The following BDNF variants were observed in gnomAD, a reference collection of about 807,000 sequenced individuals.
BDNF encodes brain derived neurotrophic factor.
BDNF carries 1 observed loss-of-function variant against 19.5 expected under a neutral mutation model. That is an observed-to-expected ratio of 0.05 (90% CI 0.02 to 0.24). BDNF has a LOEUF of 0.24. Among genes scored for constraint, BDNF ranks in the 10% least tolerant of loss-of-function variants. BDNF has a pLI of 1.00. For synonymous variants in BDNF, 100 were observed against 121.6 expected (o/e 0.82, Z 1.17); for missense variants, 195 against 317.6 (o/e 0.61, Z 2.93).
rs753561183 is a variant in BDNF at position 27,658,315 on chromosome 11, T to C, written c.250A>G (p.Asn84Asp). 24 of 1,614,202 alleles carry C rather than the reference T, an allele frequency of 1.5e-5. No individual in the cohort carries two copies. The highest frequency in any genetic ancestry group is 1.9e-5 in the Non-Finnish European group (23 of 1,180,040). The stretch of plus-strand genomic sequence containing the variant: ...GACGTGTACAAGTCTGCGTCCTTAT[T>C]GTTTTCTTCATTGGGCCGAACTTTC... Reference protein sequence around the residue: ...DQKVRPNEENNKDADLYTSRV... With the variant: ...DQKVRPNEENDKDADLYTSRV... Residue 84 changes from asparagine (N) to aspartate (D), a missense_variant, in exon 2 of 2, where the codon AAT becomes GAT. By Grantham distance (23) the Asn-to-Asp change is conservative. Around this residue, in one of 2 missense-constraint regions of BDNF, gnomAD observed 124 missense variants for 155.0 expected, o/e 0.80. Transcript: ENST00000356660. The surrounding 1 kb of genome is among the most constrained non-coding windows in gnomAD (Gnocchi z 5.7).
intron 1 of BDNF, among the ~76,000 whole-genome samples, chr11:27,680,172 C>T (rs1856654591): frequency 6.6e-6 from 1 of 152,124 alleles, no homozygotes; most frequent in Non-Finnish European, 1.5e-5. Flanking sequence ...GAATTTCTGC[C>T]CTTGGGGACT....
At chr11:27,711,408 C>T (rs1266366130) in intron 1 of BDNF, among the ~76,000 whole-genome samples, 3 of 152,160 alleles carry the variant, frequency 2.0e-5, no homozygotes, top group African/African-American at 7.2e-5. Context: ...GAAAATCTCT[C>T]ATCGGTTAGC....
chr11:27,697,655 G>A (rs1590441844), intron 1 of BDNF: 1 of 152,124 alleles, frequency 6.6e-6, no homozygotes, highest in Admixed American at 6.5e-5. Flanking sequence ...GCAAGTAAAA[G>A]TTACACACAT....
chr11:27,712,093 T>C lies in BDNF; in HGVS notation c.3+9319A>G, dbSNP rs1307023668. 2.6e-5 allele frequency among the ~76,000 whole-genome samples: 4 copies of C among 152,204 alleles called. 1 individual carries two copies. Among genetic ancestry groups the C allele is most frequent in the African/African-American group, 9.7e-5 (4 of 41,446 alleles). On this transcript the variant is annotated intron_variant, in intron 1 of 1. Coordinates refer to the BDNF transcript ENST00000314915. Reference sequence around the variant, plus strand: ...ACTTGACAGCTTGTCTAATGGCAAATGTGAATTTTAAAAGTTTTCTCCCAA... The same window carrying C: ...ACTTGACAGCTTGTCTAATGGCAAACGTGAATTTTAAAAGTTTTCTCCCAA...
At chr11:27,704,614 G>A (rs750413997), upstream of BDNF, among the ~76,000 whole-genome samples, 8 of 152,182 alleles carry the variant, frequency 5.3e-5, no homozygotes, top group Middle Eastern at 3.4e-3. Flanking sequence ...GAAACTTTCC[G>A]TAATTAGCAT....
At chr11:27,660,798 A>G (rs1458564365) in intron 1 of BDNF, among the ~76,000 whole-genome samples, 1 of 152,070 alleles carries the variant, frequency 6.6e-6, no homozygotes, top group East Asian at 1.9e-4. Flanking sequence ...GAATTAATGA[A>G]CTATAGTTTA....
intron 1 of BDNF, chr11:27,659,648 T>TGTGCGC (rs756767477): frequency 3.1e-6 from 3 of 980,408 alleles, no homozygotes; most frequent in African/African-American, 1.8e-5. Flanking sequence ...TGTGTGTGTG[T>TGTGCGC]GCGCGCGCGC....
intron 1 of BDNF, chr11:27,676,137 A>T (rs1856070285): frequency 6.6e-6 from 1 of 152,212 alleles, no homozygotes; most frequent in East Asian, 1.9e-4. Flanking sequence ...GAAAGCCTTC[A>T]CAGGTATTAT....
At chr11:27,715,606 T>A (rs895941543) in intron 1 of BDNF, among the ~76,000 whole-genome samples, 4 of 152,230 alleles carry the variant, frequency 2.6e-5, no homozygotes, top group Non-Finnish European at 5.9e-5. Flanking sequence ...GTTTTTAATT[T>A]AATTAAATAA....
chr11:27,701,212 G>C, upstream of BDNF: 1 of 1,183,904 alleles, frequency 8.4e-7, no homozygotes, highest in Non-Finnish European at 1.1e-6. Flanking sequence ...AGGAAGCCCA[G>C]GCAATGACAG....
At chr11:27,719,231 G>A (rs1860650136) in intron 1 of BDNF, among the ~76,000 whole-genome samples, 1 of 152,190 alleles carries the variant, frequency 6.6e-6, no homozygotes, top group Non-Finnish European at 1.5e-5. Flanking sequence ...CCCACCGCCA[G>A]TCCCCTGCCC....
chr11:27,672,634 A>G (rs1855545012), intron 1 of BDNF, among the ~76,000 whole-genome samples: 1 of 152,198 alleles, frequency 6.6e-6, no homozygotes, highest in South Asian at 2.1e-4. Flanking sequence ...TTAAAATAGT[A>G]AATATAAGTA....
chr11:27,697,644 T>G (rs1479491285), intron 1 of BDNF: 26 of 152,212 alleles, frequency 1.7e-4, no homozygotes. Flanking sequence ...TCCATTGGTT[T>G]GCAAGTAAAA....
At chr11:27,664,870 A>G (rs1170607409) in intron 1 of BDNF, among the ~76,000 whole-genome samples, 1 of 152,158 alleles carries the variant, frequency 6.6e-6, no homozygotes, top group Non-Finnish European at 1.5e-5. Flanking sequence ...CCTTGCCCTC[A>G]TCCTCTGCCT....
At position 27,684,281 on chromosome 11, in the gene BDNF, C is replaced by A. The variant is rs560638457; in HGVS notation, c.-22+15883G>T. The stretch of plus-strand genomic sequence containing the variant: ...CTGAGACTTTGCTGAAGTTGCTTAT[C>A]AGCTTAAGGAGATTTTGGGCTGAGA... On this transcript the variant is annotated intron_variant, in intron 1 of 1. Transcript: ENST00000356660. Among the ~76,000 whole-genome samples, 12 of 152,286 alleles carry A rather than the reference C, an allele frequency of 7.9e-5. 1 individual carries two copies. In the South Asian group the frequency reaches 2.3e-3, roughly 29 times the overall value.
At chr11:27,715,633 A>G (rs1014758519) in intron 1 of BDNF, among the ~76,000 whole-genome samples, 3 of 152,212 alleles carry the variant, frequency 2.0e-5, no homozygotes, top group African/African-American at 4.8e-5. Context: ...ATAGGAGAAA[A>G]TAATGCCTAC....
Position 27,656,728 on chromosome 11 carries a change from A to G in BDNF, c.*1093T>C. ...TAAGCCTCACCATGAGTTTTTTTTA[A>G]GCTTAGCCATGATTTACCCAAATGT... On this transcript the variant is annotated 3_prime_UTR_variant, in exon 2 of 2. Coordinates refer to ENST00000356660, the MANE Select transcript of BDNF (RefSeq NM_001709.5). 3 of 985,158 alleles carry G rather than the reference A, an allele frequency of 3.0e-6. No individual in the cohort carries two copies. Among genetic ancestry groups the G allele is most frequent in the Non-Finnish European group, 3.6e-6 (3 of 829,884 alleles). 61.0% of individuals were successfully genotyped at this position (985,158 alleles called of 1,614,324 possible). A position where few individuals can be genotyped will look rare whatever the true frequency, so the allele number is the denominator to read the frequency against.
At chr11:27,674,902 C>G (rs1216049770) in intron 1 of BDNF, 2 of 895,700 alleles carry the variant, frequency 2.2e-6, no homozygotes, top group African/African-American at 3.6e-5. Flanking sequence ...TAAAATGTTT[C>G]TCTTTGTATT....
At chr11:27,704,689 T>A (rs1273460517), upstream of BDNF, among the ~76,000 whole-genome samples, 3 of 152,226 alleles carry the variant, frequency 2.0e-5, no homozygotes, top group East Asian at 5.8e-4. Flanking sequence ...GTTTTCAAAC[T>A]CATCCTGGAT....
Sources: allele counts gnomAD v4.1 joint callset (sites outside exome capture counted in the v4.1 genomes callset), GRCh38; gene constraint gnomAD v4.1.1; regional missense constraint gnomAD v4.1.1; non-coding constraint Gnocchi (gnomAD v3.1); transcripts MANE v1.5; gene names NCBI Gene and HGNC (gene_info 2026-07-23, HGNC 2026-07-21).